Variants in SEMA5A observed in about 807,000 individuals in gnomAD.
The protein encoded by SEMA5A is semaphorin-5A.
SEMA5A carries 55 observed loss-of-function variants against 135.5 expected under a neutral mutation model. The ratio of observed to expected loss-of-function variants is 0.41; its 90% CI spans 0.33 to 0.51. SEMA5A has a LOEUF of 0.51. SEMA5A is among the 20% of genes least tolerant of loss of function. The probability of loss-of-function intolerance (pLI) is 0.37; values close to 1 mark genes in which losing one functional copy is unlikely to be tolerated. For synonymous variants in SEMA5A, 580 were observed against 546.5 expected, an observed-to-expected ratio of 1.06 and a Z score of -0.85; for missense variants, 1,290 against 1,419.9, an observed-to-expected ratio of 0.91 and a Z score of 1.47.
chr5:9,297,512 A>G (rs948662536), intron 5 of SEMA5A, among the ~76,000 whole-genome samples: 4 of 152,054 alleles, frequency 2.6e-5, no homozygotes, highest in Non-Finnish European at 5.9e-5. Flanking sequence ...TTGTTCCTGG[A>G]CTTTCAGGCC....
intron 8 of SEMA5A, among the ~76,000 whole-genome samples, chr5:9,202,877 C>T (rs1215385919): frequency 6.6e-6 from 1 of 152,118 alleles, no homozygotes; most frequent in Non-Finnish European, 1.5e-5. Context: ...TTTCTTATTT[C>T]TGGTTTGCTG....
At chr5:9,225,819 T>C (rs535576606) in intron 7 of SEMA5A, among the ~76,000 whole-genome samples, 1 of 152,234 alleles carries the variant, frequency 6.6e-6, no homozygotes, top group East Asian at 1.9e-4. Context: ...GAAAAGCTCT[T>C]GGGTACTGGT....
intron 1 of SEMA5A, among the ~76,000 whole-genome samples, chr5:9,501,677 T>A (rs1035229486): frequency 6.6e-6 from 1 of 152,132 alleles, no homozygotes; most frequent in Non-Finnish European, 1.5e-5. Flanking sequence ...GTTTACACCC[T>A]TTAAGTACTG....
intron 1 of SEMA5A, among the ~76,000 whole-genome samples, chr5:9,482,919 C>T (rs1418654998): frequency 2.0e-5 from 3 of 152,222 alleles, no homozygotes; most frequent in Non-Finnish European, 4.4e-5. Flanking sequence ...TTGTCACTCC[C>T]AATTCTGCTC....
At chr5:9,536,690 T>C (rs562508949) in intron 1 of SEMA5A, among the ~76,000 whole-genome samples, 65 of 152,086 alleles carry the variant, frequency 4.3e-4, no homozygotes, top group Non-Finnish European at 3.8e-4. Context: ...AGACACCCTG[T>C]CCTGGGCAAA....
At chr5:9,292,990 C>A (rs1044713996) in intron 5 of SEMA5A, among the ~76,000 whole-genome samples, 9 of 152,148 alleles carry the variant, frequency 5.9e-5, no homozygotes, top group African/African-American at 2.2e-4. Context: ...AACCCTGATG[C>A]GAAACGTGAT....
At chr5:9,333,446 G>A (rs565522823) in intron 4 of SEMA5A, among the ~76,000 whole-genome samples, 10 of 152,244 alleles carry the variant, frequency 6.6e-5, no homozygotes, top group African/African-American at 9.6e-5. Context: ...AGAGTAATTC[G>A]GGATGGAATC....
intron 4 of SEMA5A, among the ~76,000 whole-genome samples, chr5:9,336,592 A>G (rs1181484192): frequency 6.6e-6 from 1 of 152,230 alleles, no homozygotes; most frequent in East Asian, 1.9e-4. Flanking sequence ...ACAAACGTCA[A>G]AAGAGGTGAA....
intron 4 of SEMA5A, among the ~76,000 whole-genome samples, chr5:9,321,446 G>C (rs1229687024): frequency 1.3e-5 from 2 of 152,136 alleles, no homozygotes; most frequent in Non-Finnish European, 2.9e-5. Context: ...TGCTATGGGA[G>C]TCAGCATTAC....
intron 6 of SEMA5A, among the ~76,000 whole-genome samples, chr5:9,232,251 C>T (rs1027688298): frequency 2.0e-5 from 3 of 152,140 alleles, no homozygotes; most frequent in South Asian, 4.2e-4. Context: ...CCCAGCCCGT[C>T]GCCCAGCCCA....
At chr5:9,152,790 G>GTGAATT (rs1742701102) in intron 12 of SEMA5A, among the ~76,000 whole-genome samples, 1 of 152,196 alleles carries the variant, frequency 6.6e-6, no homozygotes, top group Non-Finnish European at 1.5e-5. Context: ...GCAACAACAG[G>GTGAATT]GCTGGGCGCA....
intron 18 of SEMA5A, among the ~76,000 whole-genome samples, chr5:9,061,538 A>G (rs2150063909): frequency 6.6e-6 from 1 of 152,234 alleles, no homozygotes; most frequent in South Asian, 2.1e-4. Context: ...GGTTCTGGAC[A>G]GGAGAGCAGG....
chr5:9,160,733 G>C (rs1388494209), intron 11 of SEMA5A, among the ~76,000 whole-genome samples: 1 of 152,136 alleles, frequency 6.6e-6, no homozygotes, highest in Non-Finnish European at 1.5e-5. Flanking sequence ...GGTAAAACTG[G>C]ATTACCATAA....
chr5:9,394,135 G>A (rs757369638), intron 2 of SEMA5A, among the ~76,000 whole-genome samples: 1 of 152,160 alleles, frequency 6.6e-6, no homozygotes, highest in Non-Finnish European at 1.5e-5. Context: ...ATGAATAAGT[G>A]TGGTATGAAC....
intron 1 of SEMA5A, among the ~76,000 whole-genome samples, chr5:9,476,141 T>C (rs1247251826): frequency 6.6e-6 from 1 of 152,218 alleles, no homozygotes; most frequent in Non-Finnish European, 1.5e-5. Context: ...CTCTGTGCTT[T>C]ATTTAACCAG....
chr5:9,311,391 A>G (rs922604154), intron 5 of SEMA5A, among the ~76,000 whole-genome samples: 5 of 152,086 alleles, frequency 3.3e-5, no homozygotes, highest in African/African-American at 9.7e-5. Flanking sequence ...TGGCACATAT[A>G]CACCATGGAA....
At chr5:9,542,422 A>T (rs747162243) in intron 1 of SEMA5A, among the ~76,000 whole-genome samples, 6 of 152,262 alleles carry the variant, frequency 3.9e-5, no homozygotes, top group Non-Finnish European at 8.8e-5. Flanking sequence ...ATAGACGCTC[A>T]TTTTATGATT....
Position 9,044,368 on chromosome 5 carries a change from C to T in SEMA5A, c.3105+5G>A. ...CACTTAGCAGAAATATTAAAATTCACTTACCTTGATGGCCTCCACCGAGTC... is the reference window on the plus strand; with the variant it reads ...CACTTAGCAGAAATATTAAAATTCATTTACCTTGATGGCCTCCACCGAGTC... On this transcript the variant is annotated splice_donor_5th_base_variant and intron_variant, in intron 22 of 22. Coordinates refer to ENST00000382496, the MANE Select transcript of SEMA5A (RefSeq NM_003966.3). 6.2e-7 allele frequency: 1 copy of T among 1,611,382 alleles called. No individual in the cohort carries two copies. The highest frequency in any genetic ancestry group is 8.5e-7 in the Non-Finnish European group (1 of 1,178,556).
intron 11 of SEMA5A, among the ~76,000 whole-genome samples, chr5:9,180,758 C>A (rs562518471): frequency 6.7e-6 from 1 of 149,448 alleles, no homozygotes; most frequent in African/African-American, 2.5e-5. Flanking sequence ...AGATAGGAAC[C>A]TGAAAACCTT....
Sources: allele counts gnomAD v4.1 joint callset (sites outside exome capture counted in the v4.1 genomes callset), GRCh38; gene constraint gnomAD v4.1.1; transcripts MANE v1.5; gene names NCBI Gene and HGNC (gene_info 2026-07-23, HGNC 2026-07-21).